Variants in MEGF11 observed in about 807,000 individuals in gnomAD.
MEGF11 encodes the protein multiple epidermal growth factor-like domains protein 11.
MEGF11 carries 126 observed loss-of-function variants against 146.6 expected under a neutral mutation model. The observed-to-expected ratio is 0.86, with a 90% confidence interval of 0.74 to 1.00. The LOEUF (loss-of-function observed/expected upper bound fraction) is 1.00, where lower values mean the gene tolerates loss of function less well. Among genes scored for constraint, MEGF11 ranks in the 50% least tolerant of loss-of-function variants. The probability of loss-of-function intolerance (pLI) is 0.00; values close to 1 mark genes in which losing one functional copy is unlikely to be tolerated. For synonymous variants in MEGF11, 532 were observed against 583.4 expected, an observed-to-expected ratio of 0.91 and a Z score of 1.27; for missense variants, 1,509 against 1,521.2, an observed-to-expected ratio of 0.99 and a Z score of 0.13.
intron 13 of MEGF11, among the ~76,000 whole-genome samples, chr15:65,924,631 T>C (rs1021639538): frequency 6.7e-6 from 1 of 149,578 alleles, no homozygotes; most frequent in Non-Finnish European, 1.5e-5. Context: ...AGGCTTTTTT[T>C]TTTTTTTTTT....
intron 4 of MEGF11, among the ~76,000 whole-genome samples, chr15:66,107,196 A>AC (rs1313127677): frequency 1.3e-5 from 2 of 152,046 alleles, no homozygotes; most frequent in Admixed American, 6.5e-5. Flanking sequence ...GCCAGTCCCC[A>AC]CCCCGCCTAC....
chr15:66,148,377 A>G (rs952526216), intron 1 of MEGF11, among the ~76,000 whole-genome samples: 1 of 151,646 alleles, frequency 6.6e-6, no homozygotes, highest in Non-Finnish European at 1.5e-5. Flanking sequence ...GCCCCTTCCC[A>G]GGCTCCTTTG....
chr15:66,050,770 A>C (rs1212236122), intron 5 of MEGF11, among the ~76,000 whole-genome samples: 1 of 152,182 alleles, frequency 6.6e-6, no homozygotes, highest in Non-Finnish European at 1.5e-5. Context: ...GAGTCCACAC[A>C]TCTTCCCAGC....
chr15:66,133,222 G>A (rs1229717057), intron 1 of MEGF11, among the ~76,000 whole-genome samples: 9 of 152,186 alleles, frequency 5.9e-5, no homozygotes, highest in African/African-American at 2.2e-4. Flanking sequence ...ACTCCTGCCT[G>A]GACCACCCCA....
intron 1 of MEGF11, among the ~76,000 whole-genome samples, chr15:66,239,588 C>G (rs538328188): frequency 6.6e-6 from 1 of 152,336 alleles, no homozygotes; most frequent in South Asian, 2.1e-4. Flanking sequence ...AGCTAGGCCA[C>G]CACTACCAGT....
intron 1 of MEGF11, among the ~76,000 whole-genome samples, chr15:66,218,350 A>G (rs551155582): frequency 2.2e-4 from 33 of 152,350 alleles, no homozygotes; most frequent in Middle Eastern, 6.8e-3. Flanking sequence ...ACACACCCGC[A>G]TGCCAGGGCA....
chr15:66,160,603 C>T (rs148323996), intron 1 of MEGF11, among the ~76,000 whole-genome samples: 1 of 151,798 alleles, frequency 6.6e-6, no homozygotes, highest in East Asian at 1.9e-4. Flanking sequence ...TTCATTCATG[C>T]ATTCAATAAG....
intron 1 of MEGF11, among the ~76,000 whole-genome samples, chr15:66,176,398 G>C (rs1465415589): frequency 6.6e-6 from 1 of 152,210 alleles, no homozygotes; most frequent in Non-Finnish European, 1.5e-5. Flanking sequence ...CCAAGATATG[G>C]AGGGTAGGGA....
At position 66,066,324 on chromosome 15, in the gene MEGF11, T is replaced by C. The variant is rs115366597; in HGVS notation, c.394+28078A>G. ...CAAACACCAGAGCCCCCCAGTTGGT[T>C]GCTGACCTCCCTCCCCACCACCTCC... On this transcript the variant is annotated intron_variant, in intron 5 of 25. Coordinates refer to ENST00000395614, the MANE Select transcript of MEGF11 (RefSeq NM_001385028.1). Among the ~76,000 whole-genome samples, 339 of 152,204 alleles carry C rather than the reference T, an allele frequency of 2.2e-3. 2 individuals are homozygous for C. The highest frequency in any genetic ancestry group is 7.8e-3 in the African/African-American group (325 of 41,522).
At chr15:66,143,948 G>C (rs1184572936) in intron 1 of MEGF11, among the ~76,000 whole-genome samples, 2 of 152,158 alleles carry the variant, frequency 1.3e-5, no homozygotes, top group South Asian at 4.1e-4. Flanking sequence ...GGGGCAAGAG[G>C]CACCTCAGCC....
At chr15:65,947,729 G>T (rs564560841) in intron 10 of MEGF11, among the ~76,000 whole-genome samples, 2 of 152,316 alleles carry the variant, frequency 1.3e-5, no homozygotes, top group South Asian at 4.1e-4. Flanking sequence ...GCCAGCAGAA[G>T]CCCCATCTAT....
intron 5 of MEGF11, among the ~76,000 whole-genome samples, chr15:66,091,769 G>A (rs942357859): frequency 6.6e-6 from 1 of 152,220 alleles, no homozygotes; most frequent in African/African-American, 2.4e-5. Context: ...TCGCAGTTGT[G>A]TGGCCAGATC....
In MEGF11 at chr15:65,909,791, G is replaced by A. The variant is rs781657533; in HGVS notation, c.2845C>T (p.Leu949Phe). ...NSPTKLSNKS[L>F]DRDTAGWTPY... ...GTCCAGCCTGCTGTGTCTCTGTCAA[G>A]GGACTTGTTACTGAGCTGTTTGGAG... The change falls in exon 22 of 26, where the codon CTT becomes TTT. Residue 949 changes from leucine to phenylalanine, a missense_variant. Coordinates refer to ENST00000395614, the MANE Select transcript of MEGF11 (RefSeq NM_001385028.1). 17 of 1,581,886 alleles carry A rather than the reference G, an allele frequency of 1.1e-5. No homozygotes were observed. The highest frequency in any genetic ancestry group is 1.5e-5 in the Non-Finnish European group (17 of 1,171,754).
Position 65,982,306 on chromosome 15 carries a change from G to C in MEGF11, c.577C>G (p.His193Asp), listed in dbSNP as rs1399611485. Reference protein sequence around the residue: ...KGCQLPCQCRHGASCDPRAGE... With the variant: ...KGCQLPCQCRDGASCDPRAGE... ...GCGCGGGGGTCGCAGCTGGCACCGTGTCGGCACTGGCACGGCAGCTGGCAT... is the reference window on the plus strand; with the variant it reads ...GCGCGGGGGTCGCAGCTGGCACCGTCTCGGCACTGGCACGGCAGCTGGCAT... The change falls in exon 6 of 26, where the codon CAC becomes GAC. Residue 193 changes from histidine to aspartate, a missense_variant. Transcript: ENST00000395614. The surrounding 1 kb of genome is among the most constrained non-coding windows in gnomAD (Gnocchi z 5.6). 6.5e-7 allele frequency: 1 copy of C among 1,538,338 alleles called. No individual in the cohort carries two copies. The highest frequency in any genetic ancestry group is 8.7e-7 in the Non-Finnish European group (1 of 1,145,058).
intron 10 of MEGF11, among the ~76,000 whole-genome samples, chr15:65,955,816 TACTTTAA>T (rs1243686537): frequency 3.9e-3 from 6 of 1,544 alleles, no homozygotes; most frequent in East Asian, 0.083. Context: ...ACACACACAA[TACTTTAA>T]ATATATAACA....
chr15:66,118,936 C>G, intron 4 of MEGF11, 150 bp downstream of exon 4: 1 of 613,748 alleles, frequency 1.6e-6, no homozygotes, highest in East Asian at 2.7e-5. Flanking sequence ...TCCTTCTGAG[C>G]ACTGGCAGCA....
At chr15:66,232,124 G>A (rs62009956) in intron 1 of MEGF11, among the ~76,000 whole-genome samples, 69,976 of 152,104 alleles carry the variant, frequency 0.46, 17,057 homozygotes, top group East Asian at 0.69. Flanking sequence ...AGCTGCCCTC[G>A]GCAGGCAGCC....
intron 1 of MEGF11, among the ~76,000 whole-genome samples, chr15:66,212,289 C>T (rs2091479717): frequency 6.6e-6 from 1 of 152,170 alleles, no homozygotes; most frequent in Non-Finnish European, 1.5e-5. Context: ...CACTTACACA[C>T]CACGGCCGAA....
chr15:66,134,864 ACCTCAT>A (rs2088820602), intron 1 of MEGF11, among the ~76,000 whole-genome samples: 1 of 152,134 alleles, frequency 6.6e-6, no homozygotes, highest in Non-Finnish European at 1.5e-5. Context: ...AGAGTCCAAC[ACCTCAT>A]CCTCTAGGAG....
Sources: gnomAD v4.1 joint callset for allele counts (sites outside exome capture counted in the v4.1 genomes callset) on GRCh38, gnomAD v4.1.1 for gene constraint, Gnocchi (gnomAD v3.1) non-coding constraint, MANE v1.5 for transcripts, NCBI Gene and HGNC (gene_info 2026-07-23, HGNC 2026-07-21) for gene names.